Variants in CLTCL1 observed in about 807,000 individuals in gnomAD.
CLTCL1 encodes clathrin heavy chain 2.
Under a neutral mutation model 190.0 loss-of-function variants are expected in CLTCL1, and 159 were observed. The observed-to-expected ratio is 0.84, with a 90% CI of 0.74 to 0.95. The LOEUF (loss-of-function observed/expected upper bound fraction) is 0.95, where lower values mean the gene tolerates loss of function less well. Among genes scored for constraint, CLTCL1 ranks in the 40% least tolerant of loss-of-function variants. The probability of loss-of-function intolerance (pLI) is 0.00; values close to 1 mark genes in which losing one functional copy is unlikely to be tolerated. For synonymous variants in CLTCL1, 752 were observed against 769.6 expected, an observed-to-expected ratio of 0.98 and a Z score of 0.38; for missense variants, 1,878 against 2,033.4, an observed-to-expected ratio of 0.92 and a Z score of 1.47.
chr22:19,183,259 C>A, intron 30 of CLTCL1, 131 bp downstream of exon 30: 1 of 726,834 alleles, frequency 1.4e-6, no homozygotes. Flanking sequence ...CTCCTGAAGG[C>A]AGCCAGGGCT....
At chr22:19,276,882 C>G (rs1200363617) in intron 1 of CLTCL1, among the ~76,000 whole-genome samples, 1 of 152,212 alleles carries the variant, frequency 6.6e-6, no homozygotes, top group East Asian at 1.9e-4. Context: ...CCGTGTTAGC[C>G]AGGATGGTCT....
At position 19,179,925 on chromosome 22, in the gene CLTCL1, C is replaced by T. The variant is rs2084070545; in HGVS notation, c.*65G>A. 1 of 512,062 alleles carries T rather than the reference C, an allele frequency of 2.0e-6. No homozygotes were observed. The highest frequency in any genetic ancestry group is 1.9e-5 in the African/African-American group (1 of 52,150). The allele number at this position is 512,062 out of a possible 1,614,324, so 31.7% of individuals were successfully genotyped here. On this transcript the variant is annotated 3_prime_UTR_variant, in exon 33 of 33. Coordinates refer to ENST00000427926, the MANE Select transcript of CLTCL1 (RefSeq NM_007098.4). ...AGGCTGGCGAAGTTGGGAGCAGAGG[C>T]ATATCCATAGGGGAAGCTGGCAGGG...
chr22:19,269,207 A>G (rs2146239380), intron 2 of CLTCL1, among the ~76,000 whole-genome samples: 1 of 151,954 alleles, frequency 6.6e-6, no homozygotes, highest in East Asian at 1.9e-4. Context: ...CAAGACCAGC[A>G]TGGCTGAGAT....
chr22:19,278,276 C>T (rs361956), intron 1 of CLTCL1, among the ~76,000 whole-genome samples: 59,478 of 151,844 alleles, frequency 0.39, 12,601 homozygotes, highest in South Asian at 0.54. Flanking sequence ...TATTGCTTAA[C>T]ATTTTGTAAG....
At chr22:19,199,594 A>T (rs775671023) in intron 24 of CLTCL1, 140 bp downstream of exon 24, 7 of 568,980 alleles carry the variant, frequency 1.2e-5, no homozygotes, top group African/African-American at 1.1e-4. Context: ...CTAACACATG[A>T]ATCTTCCCCT....
chr22:19,228,442 C>T (rs1215333693), intron 11 of CLTCL1, among the ~76,000 whole-genome samples: 1 of 152,136 alleles, frequency 6.6e-6, no homozygotes, highest in Non-Finnish European at 1.5e-5. Context: ...TTCTGAGTGA[C>T]GCTTGGTGTG....
chr22:19,251,490 C>T (rs1555969997), intron 3 of CLTCL1, among the ~76,000 whole-genome samples: 1 of 152,136 alleles, frequency 6.6e-6, no homozygotes, highest in Non-Finnish European at 1.5e-5. Flanking sequence ...CGGAGTCTCG[C>T]TCTTTTGCCC....
chr22:19,254,115 C>G lies in CLTCL1; in HGVS notation c.363G>C (p.Leu121Phe). ...AGTGGTAGACCGCGGTCTCGGTCAC[C>G]AAGGCAACAGTGTTCACAGAAACCC... ...WKWVSVNTVA[L>F]VTETAVYHWS... The change falls in exon 3 of 33, where the codon TTG becomes TTC. Residue 121 changes from leucine to phenylalanine, a missense_variant. Coordinates refer to ENST00000427926, the MANE Select transcript of CLTCL1 (RefSeq NM_007098.4). 6.2e-7 allele frequency: 1 copy of G among 1,613,454 alleles called. No individual in the cohort carries two copies. Among genetic ancestry groups the G allele is most frequent in the Non-Finnish European group, 8.5e-7 (1 of 1,179,616 alleles).
rs2084107658 is a variant in CLTCL1 at position 19,180,747 on chromosome 22, A to T, written c.4887T>A (p.Pro1629=). Residue 1629 remains proline, a synonymous_variant, in exon 31 of 33, where the codon CCT becomes CCA. Coordinates refer to ENST00000427926, the MANE Select transcript of CLTCL1 (RefSeq NM_007098.4). The part of the protein sequence containing the change: ...LRKQEEHVTE[P]APLVFDFDGH... ...GCCACCTACCAAACACGAGAGGGGC[A>T]GGCTCTGTCACATGCTCCTCTTGCT... The T allele has an allele frequency of 6.2e-7, 1 of 1,613,764 alleles. No homozygotes were observed. Among genetic ancestry groups the T allele is most frequent in the African/African-American group, 1.3e-5 (1 of 75,068 alleles).
chr22:19,201,218 C>G (rs1455860406), intron 23 of CLTCL1, 111 bp downstream of exon 23: 1 of 1,310,008 alleles, frequency 7.6e-7, no homozygotes, highest in Non-Finnish European at 1.0e-6. Context: ...GGGTTCAGAC[C>G]CCTGCCTGGG....
intron 5 of CLTCL1, 73 bp downstream of exon 5, chr22:19,239,202 G>T: frequency 8.4e-7 from 1 of 1,187,874 alleles, no homozygotes; most frequent in Non-Finnish European, 1.3e-6. Context: ...AAAAATGGCA[G>T]CCTCCTGTAT....
chr22:19,276,584 T>C (rs1396048849), intron 1 of CLTCL1, among the ~76,000 whole-genome samples: 1 of 152,168 alleles, frequency 6.6e-6, no homozygotes, highest in Non-Finnish European at 1.5e-5. Context: ...TAAATGTTTA[T>C]CACTCCCACA....
At chr22:19,238,078 C>G (rs1333006319) in intron 5 of CLTCL1, among the ~76,000 whole-genome samples, 1 of 151,410 alleles carries the variant, frequency 6.6e-6, no homozygotes, top group African/African-American at 2.4e-5. Flanking sequence ...TATTTTTATT[C>G]TTATTTATTT....
intron 22 of CLTCL1, among the ~76,000 whole-genome samples, chr22:19,207,052 T>TGTCACCCAGGCTGGAGTGTAGTG (rs2085073139): frequency 7.0e-6 from 1 of 142,754 alleles, no homozygotes; most frequent in Non-Finnish European, 1.5e-5. Flanking sequence ...AGTCTCGCTC[T>TGTCACCCAGGCTGGAGTGTAGTG]GTCACCCAGG....
intron 11 of CLTCL1, among the ~76,000 whole-genome samples, chr22:19,229,042 A>G (rs1214621605): frequency 6.6e-6 from 1 of 152,228 alleles, no homozygotes; most frequent in African/African-American, 2.4e-5. Context: ...TCAAAAAGGT[A>G]AACATAGAAT....
chr22:19,180,920 G>A (rs2084115726), intron 30 of CLTCL1, 114 bp from the exon 31 acceptor site: 2 of 876,112 alleles, frequency 2.3e-6, no homozygotes, highest in Admixed American at 3.6e-5. Flanking sequence ...GACAGTGGAG[G>A]AGGTGCACAT....
chr22:19,273,960 C>T (rs1467809026), intron 2 of CLTCL1, among the ~76,000 whole-genome samples: 1 of 152,086 alleles, frequency 6.6e-6, no homozygotes, highest in African/African-American at 2.4e-5. Flanking sequence ...AAGGGATTGA[C>T]AACATCTAAC....
chr22:19,290,887 G>T (rs1555992953), intron 1 of CLTCL1, among the ~76,000 whole-genome samples: 1 of 152,148 alleles, frequency 6.6e-6, no homozygotes, highest in East Asian at 1.9e-4. Context: ...AGCACTCAGG[G>T]AGGAGCCGCT....
chr22:19,229,197 T>A (rs1357788279), intron 11 of CLTCL1, among the ~76,000 whole-genome samples: 1 of 152,198 alleles, frequency 6.6e-6, no homozygotes, highest in Non-Finnish European at 1.5e-5. Context: ...CAAATGTTCA[T>A]CAATGGATGA....
Sources: allele counts gnomAD v4.1 joint callset (sites outside exome capture counted in the v4.1 genomes callset), GRCh38; gene constraint gnomAD v4.1.1; transcripts MANE v1.5; gene names NCBI Gene and HGNC (gene_info 2026-07-23, HGNC 2026-07-21).